FBXO22: variants seen among roughly 807,000 people sequenced by gnomAD.
FBXO22 encodes the protein F-box protein 22.
A neutral mutation model predicts 37.2 loss-of-function variants in FBXO22; 13 were observed. The ratio of observed to expected loss-of-function variants is 0.35; its 90% CI spans 0.23 to 0.56. The LOEUF is 0.56. FBXO22 is among the 20% of genes least tolerant of loss of function. FBXO22 has a pLI of 0.87. For synonymous variants in FBXO22, 189 were observed against 189.1 expected (o/e 1.00, Z 0.00); for missense variants, 446 against 509.9 (o/e 0.87, Z 1.21).
chr15:75,914,799 A>G (rs923457150), intron 4 of FBXO22, among the ~76,000 whole-genome samples: 3 of 152,134 alleles, frequency 2.0e-5, no homozygotes, highest in Non-Finnish European at 4.4e-5. Flanking sequence ...TAGTATCTGT[A>G]TGACTTTGAG....
intron 2 of FBXO22, among the ~76,000 whole-genome samples, chr15:75,905,340 C>A (rs1899903877): frequency 6.6e-6 from 1 of 152,030 alleles, no homozygotes; most frequent in Non-Finnish European, 1.5e-5. Flanking sequence ...CTTCTCTGGC[C>A]CCCAACTTCA....
chr15:75,916,901 C>T (rs1022025041), intron 4 of FBXO22, among the ~76,000 whole-genome samples: 5 of 151,664 alleles, frequency 3.3e-5, no homozygotes. Flanking sequence ...GTATTTACTA[C>T]CCCCCCAACT....
chr15:75,904,409 G>C, intron 1 of FBXO22, 82 bp from the exon 2 acceptor site: 1 of 1,589,758 alleles, frequency 6.3e-7, no homozygotes, highest in Non-Finnish European at 8.6e-7. Flanking sequence ...CTGCTGCTGC[G>C]CCAGCGGGTG....
At chr15:75,921,991 C>CTT (rs373750491) in intron 5 of FBXO22, among the ~76,000 whole-genome samples, 1 of 143,888 alleles carries the variant, frequency 6.9e-6, no homozygotes, top group Non-Finnish European at 1.5e-5. Flanking sequence ...TTACAGTTAA[C>CTT]TTTTTTTTTT....
intron 6 of FBXO22, among the ~76,000 whole-genome samples, chr15:75,931,407 C>G (rs191047025): frequency 5.8e-4 from 88 of 152,200 alleles, no homozygotes; most frequent in Non-Finnish European, 3.5e-4. Context: ...ACCCAACTGA[C>G]CCAGTGCCCC....
At chr15:75,930,369 T>G in intron 6 of FBXO22, 1 of 1,220,202 alleles carries the variant, frequency 8.2e-7, no homozygotes, top group Non-Finnish European at 1.0e-6. Flanking sequence ...CTTTCTAGTT[T>G]CCTCCTTTAA....
rs2030197874 is a variant in FBXO22 at position 75,934,583 on chromosome 15, ATATG to A, written c.*1482_*1485del. The A allele has an allele frequency of 6.6e-6, 1 of 152,072 alleles. No individual in the cohort carries two copies. The highest frequency in any genetic ancestry group is 1.5e-5 in the Non-Finnish European group (1 of 67,994). The allele number at this position is 152,072 out of a possible 1,614,324, so 9.4% of individuals were successfully genotyped here. On this transcript the variant is annotated 3_prime_UTR_variant, in exon 7 of 7. Coordinates refer to ENST00000308275, the MANE Select transcript of FBXO22 (RefSeq NM_147188.3). ...TATTTTTCTCTTGCTATTTATATAT[ATATG>A]ATAAAAATGCTTGGAAGAGTCCTTT...
chr15:75,911,737 C>A (rs1397882802), intron 2 of FBXO22, among the ~76,000 whole-genome samples: 3 of 151,874 alleles, frequency 2.0e-5, no homozygotes, highest in African/African-American at 2.4e-5. Context: ...TCCTCTCTTC[C>A]TATTTGAATA....
intron 5 of FBXO22, among the ~76,000 whole-genome samples, chr15:75,921,756 CTTTAA>C (rs934593596): frequency 1.3e-5 from 2 of 152,086 alleles, no homozygotes; most frequent in African/African-American, 4.8e-5. Context: ...TTTTCTCCAC[CTTTAA>C]TTTTTTTTTT....
At chr15:75,921,265 T>G (rs1411179977) in intron 5 of FBXO22, among the ~76,000 whole-genome samples, 1 of 152,152 alleles carries the variant, frequency 6.6e-6, no homozygotes, top group Non-Finnish European at 1.5e-5. Flanking sequence ...GAAGTTGGTG[T>G]GGGGTGAGTC....
At chr15:75,919,461 T>C (rs1183192049) in intron 5 of FBXO22, among the ~76,000 whole-genome samples, 1 of 152,170 alleles carries the variant, frequency 6.6e-6, no homozygotes, top group East Asian at 1.9e-4. Flanking sequence ...AAATAGAAGG[T>C]AGTCAACCTT....
rs946580013 is a variant in FBXO22 at position 75,934,984 on chromosome 15, G to A, written c.*1882G>A. On this transcript the variant is annotated 3_prime_UTR_variant, in exon 7 of 7. Coordinates refer to ENST00000308275, the MANE Select transcript of FBXO22 (RefSeq NM_147188.3). ...TCATACAATATTTGATGTTGTTAAA[G>A]CATTCCTTTTTATAGCTGAGCCTTT... 6.6e-6 allele frequency: 1 copy of A among 152,166 alleles called. No individual in the cohort carries two copies. The highest frequency in any genetic ancestry group is 1.5e-5 in the Non-Finnish European group (1 of 68,026). The allele number at this position is 152,166 out of a possible 1,614,324, so 9.4% of individuals were successfully genotyped here. A position where few individuals can be genotyped will look rare whatever the true frequency, so the allele number is the denominator to read the frequency against.
At position 75,940,391 on chromosome 15, in the gene FBXO22, AAT is replaced by A. The variant is rs1312828689; in HGVS notation, c.*7292_*7293del. On this transcript the variant is annotated 3_prime_UTR_variant, in exon 7 of 7. Transcript: ENST00000308275. ...TTCATGGATTGGAAAATCTAATGTT[AAT>A]ATGTCAGTACTACTCAAAGTGATGT... The A allele has an allele frequency of 1.6e-4, 24 of 152,216 alleles. 2 individuals carry two copies. The South Asian group carries it at 3.9e-3, about 25-fold the overall frequency. 9.4% of individuals were successfully genotyped at this position (152,216 alleles called of 1,614,324 possible).
At chr15:75,914,772 A>G (rs1900144932) in intron 4 of FBXO22, among the ~76,000 whole-genome samples, 1 of 152,122 alleles carries the variant, frequency 6.6e-6, no homozygotes, top group Non-Finnish European at 1.5e-5. Context: ...CTGGATTCGA[A>G]TGCCGGCTGT....
chr15:75,909,004 T>G (rs1020846758), intron 2 of FBXO22, among the ~76,000 whole-genome samples: 17 of 152,234 alleles, frequency 1.1e-4, no homozygotes, highest in African/African-American at 4.1e-4. Flanking sequence ...CAACTTTTTT[T>G]TTCCATTTAA....
intron 2 of FBXO22, chr15:75,910,275 A>G (rs1303497325): frequency 6.6e-6 from 1 of 152,248 alleles, no homozygotes. Context: ...TCCTTTGGGT[A>G]TATACCCAGT....
chr15:75,933,380 G>A lies in FBXO22; in HGVS notation c.*278G>A. 1 of 360,352 alleles carries A rather than the reference G, an allele frequency of 2.8e-6. No homozygotes were observed. Among genetic ancestry groups the A allele is most frequent in the Non-Finnish European group, 5.1e-6 (1 of 197,390 alleles). The allele number at this position is 360,352 out of a possible 1,614,324, so 22.3% of individuals were successfully genotyped here. On this transcript the variant is annotated 3_prime_UTR_variant, in exon 7 of 7. Coordinates refer to ENST00000308275, the MANE Select transcript of FBXO22 (RefSeq NM_147188.3). Reference sequence around the variant, plus strand: ...AGATCATGTAGCTGCTGTGTAACATGACCTTAAATAGTCTTCCTGCATAGG... The same window carrying A: ...AGATCATGTAGCTGCTGTGTAACATAACCTTAAATAGTCTTCCTGCATAGG...
chr15:75,907,771 A>T (rs1381239286), intron 2 of FBXO22, among the ~76,000 whole-genome samples: 1 of 151,804 alleles, frequency 6.6e-6, no homozygotes, highest in Non-Finnish European at 1.5e-5. Context: ...AAATATATAA[A>T]TAAAAATATT....
chr15:75,925,057 G>C (rs1900409281), intron 5 of FBXO22, among the ~76,000 whole-genome samples: 1 of 152,108 alleles, frequency 6.6e-6, no homozygotes, highest in Non-Finnish European at 1.5e-5. Context: ...GAATTCAGTT[G>C]CCTTTGCTCT....
Sources: gnomAD v4.1 joint callset for allele counts (sites outside exome capture counted in the v4.1 genomes callset) on GRCh38, gnomAD v4.1.1 for gene constraint, MANE v1.5 for transcripts, NCBI Gene and HGNC (gene_info 2026-07-23, HGNC 2026-07-21) for gene names.